The following UGT1A8 variants were observed in gnomAD, a reference collection of about 807,000 sequenced individuals.
UGT1A8 encodes the protein UDP glucuronosyltransferase family 1 member A8, also known as UDP-glucuronosyltransferase 1A8.
A neutral mutation model predicts 45.3 loss-of-function variants in UGT1A8; 39 were observed. The observed-to-expected ratio is 0.86, with a 90% CI of 0.67 to 1.12. The LOEUF (loss-of-function observed/expected upper bound fraction) is 1.12. Among genes scored for constraint, UGT1A8 ranks in the 50% most tolerant of loss-of-function variants. The pLI is 0.00. For synonymous variants in UGT1A8, 275 were observed against 249.2 expected (o/e 1.10, Z -0.97); for missense variants, 719 against 664.9 (o/e 1.08, Z -0.90).
chr2:233,757,967 C>T (rs187620660), intron 1 of UGT1A8, among the ~76,000 whole-genome samples: 98 of 152,288 alleles, frequency 6.4e-4, no homozygotes, highest in African/African-American at 2.2e-3. Flanking sequence ...TGTGATTTCT[C>T]AGCCCCTAGA....
intron 1 of UGT1A8, among the ~76,000 whole-genome samples, chr2:233,728,111 A>G (rs1242261758): frequency 6.6e-6 from 1 of 152,146 alleles, no homozygotes; most frequent in Non-Finnish European, 1.5e-5. Context: ...TTAATTCTCC[A>G]TCTTGAAATT....
chr2:233,730,635 A>G (rs2078055173), intron 1 of UGT1A8, among the ~76,000 whole-genome samples: 1 of 152,172 alleles, frequency 6.6e-6, no homozygotes, highest in Admixed American at 6.5e-5. Context: ...GGTCTGGTGC[A>G]TGATGTGGGG....
chr2:233,655,459 C>T (rs546904097), intron 1 of UGT1A8, among the ~76,000 whole-genome samples: 7 of 152,256 alleles, frequency 4.6e-5, no homozygotes, highest in East Asian at 1.9e-4. Flanking sequence ...AGAAGGGGCA[C>T]GACTTAAGGA....
chr2:233,618,620 G>T lies in UGT1A8; in HGVS notation c.855+58G>T, dbSNP rs1285828694. The T allele has an allele frequency of 3.2e-6, 5 of 1,541,510 alleles. No homozygotes were observed. In the African/African-American group the frequency reaches 4.1e-5, roughly 13 times the overall value. ...AATCTGGCTTTGGAAATTAAAAAAA[G>T]ATTCCTTACTGAATTGTGATTTGAC... On this transcript the variant is annotated intron_variant, in intron 1 of 4. Coordinates refer to ENST00000373450, the MANE Select transcript of UGT1A8 (RefSeq NM_019076.5).
At chr2:233,638,087 G>A (rs975773667) in intron 1 of UGT1A8, among the ~76,000 whole-genome samples, 1 of 152,102 alleles carries the variant, frequency 6.6e-6, no homozygotes, top group Non-Finnish European at 1.5e-5. Context: ...TAGTAGACTA[G>A]AGTCCTACAC....
In UGT1A8 at chr2:233,682,539, T is replaced by C. The variant is rs138921290; in HGVS notation, c.855+63977T>C. On this transcript the variant is annotated intron_variant, in intron 1 of 4. Transcript: ENST00000373450. ...CTTCTCTTAGGGTTCTCAGACGCCATGACTTTCAAGGAGAGAGTATGGAAC... is the reference window on the plus strand; with the variant it reads ...CTTCTCTTAGGGTTCTCAGACGCCACGACTTTCAAGGAGAGAGTATGGAAC... 520 of 1,613,826 alleles carry C rather than the reference T, an allele frequency of 3.2e-4. 1 individual carries two copies. Among genetic ancestry groups the C allele is most frequent in the Non-Finnish European group, 4.0e-4 (467 of 1,179,850 alleles).
chr2:233,756,931 T>G (rs1696359277), intron 1 of UGT1A8, among the ~76,000 whole-genome samples: 1 of 152,070 alleles, frequency 6.6e-6, no homozygotes, highest in Non-Finnish European at 1.5e-5. Context: ...AACCTCTAGT[T>G]ACATAACCTG....
chr2:233,620,615 AATAT>A (rs1156596187), intron 1 of UGT1A8, among the ~76,000 whole-genome samples: 2 of 152,312 alleles, frequency 1.3e-5, no homozygotes, highest in Non-Finnish European at 1.5e-5. Flanking sequence ...TCTATTAAAG[AATAT>A]ATATGTATGA....
At chr2:233,667,925 C>T (rs1026770462) in intron 1 of UGT1A8, among the ~76,000 whole-genome samples, 2 of 152,200 alleles carry the variant, frequency 1.3e-5, no homozygotes, top group Admixed American at 1.3e-4. Context: ...CACTTTTACA[C>T]TGTTGGTGGG....
At position 233,618,615 on chromosome 2, in the gene UGT1A8, A is replaced by G. The variant is rs551421864; in HGVS notation, c.855+53A>G. ...GGAATAATCTGGCTTTGGAAATTAA[A>G]AAAAGATTCCTTACTGAATTGTGAT... On this transcript the variant is annotated intron_variant, in intron 1 of 4. Transcript: ENST00000373450. 4.5e-6 allele frequency: 7 copies of G among 1,544,356 alleles called. No individual in the cohort carries two copies. The South Asian group carries it at 8.8e-5, about 19-fold the overall frequency.
chr2:233,670,109 A>C (rs2074152298), intron 1 of UGT1A8, among the ~76,000 whole-genome samples: 1 of 152,230 alleles, frequency 6.6e-6, no homozygotes. Flanking sequence ...TATATACTGT[A>C]TTATCATAAT....
At chr2:233,720,833 G>A in intron 1 of UGT1A8, among the ~76,000 whole-genome samples, 1 of 150,462 alleles carries the variant, frequency 6.6e-6, no homozygotes, top group East Asian at 2.0e-4. Context: ...AGTCTCCTGA[G>A]TAACTGGGAC....
intron 1 of UGT1A8, chr2:233,719,435 G>A (rs2076765581): frequency 6.2e-7 from 1 of 1,613,916 alleles, no homozygotes; most frequent in East Asian, 2.2e-5. Flanking sequence ...CAGACCACAT[G>A]ACATTCCTGC....
chr2:233,713,067 G>A (rs750927090), intron 1 of UGT1A8: 1 of 1,614,158 alleles, frequency 6.2e-7, no homozygotes, highest in Non-Finnish European at 8.5e-7. Flanking sequence ...CCAGCCCTGG[G>A]CTGAGAGTGG....
chr2:233,673,048 G>T (rs2074249106), intron 1 of UGT1A8, among the ~76,000 whole-genome samples: 1 of 152,112 alleles, frequency 6.6e-6, no homozygotes, highest in South Asian at 2.1e-4. Flanking sequence ...GTTTAGAAAA[G>T]TACCAAAAAC....
intron 1 of UGT1A8, among the ~76,000 whole-genome samples, chr2:233,679,695 G>C (rs779966224): frequency 6.6e-6 from 1 of 152,060 alleles, no homozygotes; most frequent in Non-Finnish European, 1.5e-5. Context: ...GCAGAGGCTG[G>C]TTCTCCTGTT....
At chr2:233,694,761 A>G (rs1204986325) in intron 1 of UGT1A8, among the ~76,000 whole-genome samples, 2 of 152,204 alleles carry the variant, frequency 1.3e-5, no homozygotes, top group African/African-American at 4.8e-5. Flanking sequence ...CCACTGTGAA[A>G]AGGCAAGGGT....
intron 1 of UGT1A8, among the ~76,000 whole-genome samples, chr2:233,751,881 A>G (rs553534557): frequency 1.3e-5 from 2 of 152,290 alleles, no homozygotes; most frequent in African/African-American, 4.8e-5. Context: ...CGTCTTGGGT[A>G]TGTCTTTATA....
chr2:233,634,187 T>G (rs2073238098), intron 1 of UGT1A8, among the ~76,000 whole-genome samples: 1 of 152,242 alleles, frequency 6.6e-6, no homozygotes, highest in South Asian at 2.1e-4. Context: ...TTTGTTATGA[T>G]TTCTGTTCTT....
Sources: allele counts gnomAD v4.1 joint callset (sites outside exome capture counted in the v4.1 genomes callset), GRCh38; gene constraint gnomAD v4.1.1; transcripts MANE v1.5; gene names NCBI Gene and HGNC (gene_info 2026-07-23, HGNC 2026-07-21).